RABL6: variants seen among roughly 807,000 people sequenced by gnomAD.
The protein encoded by RABL6 is rab-like protein 6.
RABL6 carries 28 observed loss-of-function variants against 72.9 expected under a neutral mutation model. That is an observed-to-expected ratio of 0.38 (90% CI 0.28 to 0.53). RABL6 has a LOEUF of 0.53. Among genes scored for constraint, RABL6 ranks in the 20% least tolerant of loss-of-function variants. The pLI, the probability that RABL6 is intolerant of heterozygous loss-of-function variation, is 0.80. For synonymous variants in RABL6, 477 were observed against 421.2 expected, an observed-to-expected ratio of 1.13 and a Z score of -1.62; for missense variants, 1,029 against 1,008.4, an observed-to-expected ratio of 1.02 and a Z score of -0.28.
chr9:136,822,858 G>A (rs1265184278), intron 1 of RABL6, among the ~76,000 whole-genome samples: 1 of 152,200 alleles, frequency 6.6e-6, no homozygotes, highest in South Asian at 2.1e-4. Flanking sequence ...GGAGGCCAAG[G>A]CGGGCGGATC....
intron 1 of RABL6, chr9:136,822,016 A>G: frequency 3.9e-6 from 5 of 1,289,706 alleles, no homozygotes; most frequent in Non-Finnish European, 4.0e-6. Context: ...GGGCGAGGAA[A>G]TGAACAAGCT....
chr9:136,827,482 C>G (rs1848384145), intron 3 of RABL6: 1 of 152,292 alleles, frequency 6.6e-6, no homozygotes. Flanking sequence ...CCTGCTTTCC[C>G]CAAAGCAGAT....
intron 1 of RABL6, chr9:136,809,047 C>T (rs1264748303): frequency 6.6e-6 from 1 of 152,210 alleles, no homozygotes; most frequent in East Asian, 1.9e-4. Flanking sequence ...CTTGCGGGCT[C>T]TTTCCCAGTA....
chr9:136,810,991 C>G (rs994868726), intron 1 of RABL6, among the ~76,000 whole-genome samples: 1 of 152,152 alleles, frequency 6.6e-6, no homozygotes, highest in Non-Finnish European at 1.5e-5. Context: ...TGCATTTGCT[C>G]GGAGTTGCTA....
intron 1 of RABL6, chr9:136,813,266 GA>G: frequency 3.5e-6 from 2 of 565,106 alleles, no homozygotes; most frequent in Non-Finnish European, 3.3e-6. Flanking sequence ...ATCTTCAAAT[GA>G]AGCGAACTGT....
intron 10 of RABL6, 77 bp from the exon 11 acceptor site, chr9:136,838,832 C>T: frequency 2.2e-6 from 3 of 1,350,268 alleles, no homozygotes; most frequent in Non-Finnish European, 3.0e-6. Context: ...TACCAGGGCG[C>T]CTAGAACCAA....
chr9:136,838,188 G>A (rs1848619379), intron 10 of RABL6, among the ~76,000 whole-genome samples, 173 bp downstream of exon 10: 2 of 152,326 alleles, frequency 1.3e-5, no homozygotes, highest in South Asian at 2.1e-4. Context: ...GGGCTTGGAC[G>A]GGGCTTCCAG....
At chr9:136,811,634 AC>A (rs766711710) in intron 1 of RABL6, among the ~76,000 whole-genome samples, 7,907 of 142,556 alleles carry the variant, frequency 0.055, 474 homozygotes, top group African/African-American at 0.14. Flanking sequence ...AAAAAAAAAA[AC>A]AATTGCACCA....
At chr9:136,835,466 C>A in intron 7 of RABL6, 1 of 388,948 alleles carries the variant, frequency 2.6e-6, no homozygotes, top group Non-Finnish European at 4.7e-6. Flanking sequence ...GGTGGGGGTG[C>A]TTGCTGTTGA....
Position 136,839,414 on chromosome 9 carries a change from T to C in RABL6, c.1686T>C (p.Ala562=), listed in dbSNP as rs764316164. ...SSESDPEGPI[A]AQMLSFVMDD... is the part of the protein sequence containing the mutation. ...AGAGTGACCCCGAGGGACCCATTGC[T>C]GCACAAATGCTGTCCTTCGTCATGG... The change falls in exon 12 of 15, where the codon GCT becomes GCC. Residue 562 remains alanine, a synonymous_variant. Coordinates refer to ENST00000311502, the MANE Select transcript of RABL6 (RefSeq NM_024718.5). The C allele has an allele frequency of 1.9e-6, 3 of 1,612,482 alleles. No homozygotes were observed. The African/African-American group carries it at 4.0e-5, about 22-fold the overall frequency.
In RABL6 at chr9:136,839,345, T is replaced by C. The variant is rs183750439; in HGVS notation, c.1617T>C (p.Pro539=). 1,768 of 1,612,688 alleles carry C rather than the reference T, an allele frequency of 1.1e-3. 23 individuals are homozygous for C. The African/African-American group carries it at 0.022, about 20-fold the overall frequency. ...GPEKRSSTRP[P]AEMEPGKGEQ... ...AGAAGCGCAGCAGCACCAGGCCCCC[T>C]GCTGAGATGGAGCCGGGGAAGGGTG... Residue 539 remains proline (P), a synonymous_variant, in exon 12 of 15, where the codon CCT becomes CCC. Coordinates refer to ENST00000311502, the MANE Select transcript of RABL6 (RefSeq NM_024718.5).
intron 12 of RABL6, 75 bp from the exon 13 acceptor site, chr9:136,839,619 G>T: frequency 6.5e-7 from 1 of 1,544,260 alleles, no homozygotes; most frequent in Non-Finnish European, 8.8e-7. Context: ...GGCCTTGCCG[G>T]CCTGGTTTGA....
At chr9:136,832,191 TG>T (rs1451721280) in intron 6 of RABL6, 73 bp from the exon 7 acceptor site, 1 of 1,383,466 alleles carries the variant, frequency 7.2e-7, no homozygotes, top group Non-Finnish European at 1.0e-6. Context: ...GACCCACAGC[TG>T]TGGGCCCAGG....
At chr9:136,834,757 T>C (rs566111547) in intron 7 of RABL6, among the ~76,000 whole-genome samples, 48 of 152,054 alleles carry the variant, frequency 3.2e-4, no homozygotes, top group East Asian at 9.7e-4. Context: ...GGATTACAGG[T>C]GTGAGCCACC....
chr9:136,815,415 C>A, intron 1 of RABL6: 1 of 279,298 alleles, frequency 3.6e-6, no homozygotes, highest in Non-Finnish European at 7.1e-6. Flanking sequence ...CTCTTCTCCA[C>A]AGCTGTCATC....
At chr9:136,824,929 C>T (rs116187471) in intron 2 of RABL6, among the ~76,000 whole-genome samples, 4,610 of 152,310 alleles carry the variant, frequency 0.03, 180 homozygotes, top group African/African-American at 0.094. Flanking sequence ...GCTCAGGCGA[C>T]GTGGATGTGA....
intron 1 of RABL6, among the ~76,000 whole-genome samples, chr9:136,811,052 G>T (rs1300909900): frequency 6.6e-6 from 1 of 152,160 alleles, no homozygotes; most frequent in African/African-American, 2.4e-5. Context: ...ATAAAAACTC[G>T]AATGAGACAT....
intron 12 of RABL6, 65 bp downstream of exon 12, chr9:136,839,551 C>A: frequency 1.3e-6 from 2 of 1,568,204 alleles, no homozygotes; most frequent in South Asian, 1.2e-5. Flanking sequence ...CAGGCCTGAT[C>A]TGGGTGGGTG....
Position 136,840,943 on chromosome 9 carries a change from G to C in RABL6, c.*421G>C. The C allele has an allele frequency of 6.8e-7, 1 of 1,463,504 alleles. No homozygotes were observed. The highest frequency in any genetic ancestry group is 9.1e-7 in the Non-Finnish European group (1 of 1,103,532). The allele number at this position is 1,463,504 out of a possible 1,614,324, so 90.7% of individuals were successfully genotyped here. On this transcript the variant is annotated 3_prime_UTR_variant, in exon 15 of 15. Transcript: ENST00000311502. ...CATCTGGGGCCGCAGCATGCCTATG[G>C]TTCCGCTTCCGGCCGGGAGCCCTGA... is the stretch of plus-strand genomic sequence containing the variant.
Sources: gnomAD v4.1 joint callset for allele counts (sites outside exome capture counted in the v4.1 genomes callset) on GRCh38, gnomAD v4.1.1 for gene constraint, MANE v1.5 for transcripts, NCBI Gene and HGNC (gene_info 2026-07-23, HGNC 2026-07-21) for gene names.